DLG1: variants seen among roughly 807,000 people sequenced by gnomAD.
The protein encoded by DLG1 is discs large MAGUK scaffold protein 1, also known as disks large homolog 1.
In DLG1, 42 loss-of-function variants were observed where a neutral mutation model predicts 123.4. The ratio of observed to expected loss-of-function variants is 0.34; its 90% confidence interval spans 0.27 to 0.44. The LOEUF (loss-of-function observed/expected upper bound fraction) is 0.44, where lower values mean the gene tolerates loss of function less well. DLG1 is among the 20% of genes least tolerant of loss of function. The pLI, the probability that DLG1 is intolerant of heterozygous loss-of-function variation, is 1.00. For synonymous variants in DLG1, 317 were observed against 356.2 expected (o/e 0.89, Z 1.24); for missense variants, 942 against 1,082.6 (o/e 0.87, Z 1.82).
intron 4 of DLG1, among the ~76,000 whole-genome samples, chr3:197,252,036 C>T (rs564089180): frequency 2.0e-5 from 3 of 152,268 alleles, no homozygotes; most frequent in South Asian, 2.1e-4. Context: ...ATCATTCTTT[C>T]TCTTTTCCCT....
intron 19 of DLG1, among the ~76,000 whole-genome samples, chr3:197,067,661 G>A (rs778701091): frequency 4.8e-5 from 7 of 146,438 alleles, no homozygotes; most frequent in African/African-American, 1.5e-4. Context: ...GGGTTCAAGC[G>A]GTTCTCCTGC....
rs1174580834 is a variant in DLG1 at position 197,043,394 on chromosome 3, G to A, written c.*1229C>T. 2 of 152,034 alleles carry A rather than the reference G, an allele frequency of 1.3e-5. No individual in the cohort carries two copies. The highest frequency in any genetic ancestry group is 3.9e-4 in the East Asian group (2 of 5,188). The allele number at this position is 152,034 out of a possible 1,614,324, so 9.4% of individuals were successfully genotyped here. A position where few individuals can be genotyped will look rare whatever the true frequency, so the allele number is the denominator to read the frequency against. ...ATTTGAAAACCTTTGTAGAAAAGAG[G>A]AGAATATGCCCACACTTTTACTTAT... On this transcript the variant is annotated 3_prime_UTR_variant, in exon 25 of 25. Transcript: ENST00000667157.
At chr3:197,279,663 G>T (rs1348235861) in intron 4 of DLG1, among the ~76,000 whole-genome samples, 1 of 152,138 alleles carries the variant, frequency 6.6e-6, no homozygotes, top group African/African-American at 2.4e-5. Context: ...TTCAGGAGGT[G>T]TAGAAACCAG....
chr3:197,238,926 G>A (rs567027066), intron 4 of DLG1, among the ~76,000 whole-genome samples: 1 of 152,002 alleles, frequency 6.6e-6, no homozygotes, highest in African/African-American at 2.4e-5. Flanking sequence ...TAAGGAACTA[G>A]TAAAACAAGA....
At chr3:197,153,969 G>T (rs1176576927) in intron 5 of DLG1, among the ~76,000 whole-genome samples, 1 of 151,966 alleles carries the variant, frequency 6.6e-6, no homozygotes, top group African/African-American at 2.4e-5. Flanking sequence ...AGAATAAGTG[G>T]CTTATTAAAA....
Position 197,296,475 on chromosome 3 carries a change from T to C in DLG1, c.22A>G (p.Thr8Ala). MPVRKQD[T>A]QRALHLLEEY... ...TCCAAAAGGTGCAATGCTCTCTGGG[T>C]ATCTGAGAAGAAAAAGCAGAGCCTG... The change falls in exon 3 of 25, where the codon ACC (threonine) becomes GCC (alanine). Residue 8 changes from threonine (T) to alanine (A), a missense_variant and splice_region_variant. Coordinates refer to ENST00000667157, the MANE Select transcript of DLG1 (RefSeq NM_001366207.1). 12 of 1,613,248 alleles carry C rather than the reference T, an allele frequency of 7.4e-6. No homozygotes were observed. The highest frequency in any genetic ancestry group is 1.0e-5 in the Non-Finnish European group (12 of 1,179,552).
At chr3:197,263,584 C>T (rs1300014085) in intron 4 of DLG1, among the ~76,000 whole-genome samples, 4 of 151,968 alleles carry the variant, frequency 2.6e-5, no homozygotes, top group East Asian at 3.9e-4. Context: ...GTCCGGAGTT[C>T]GAGACCAGCC....
intron 4 of DLG1, among the ~76,000 whole-genome samples, chr3:197,265,586 T>C (rs1352218409): frequency 6.6e-6 from 1 of 152,086 alleles, no homozygotes; most frequent in African/African-American, 2.4e-5. Context: ...TTCAGATTAG[T>C]TTTGATCAGT....
At chr3:197,144,995 T>G (rs962151969) in intron 6 of DLG1, among the ~76,000 whole-genome samples, 4 of 152,002 alleles carry the variant, frequency 2.6e-5, no homozygotes, top group African/African-American at 9.7e-5. Context: ...TACTTTTGTT[T>G]TTCATAGAGA....
chr3:197,183,534 CA>C, intron 5 of DLG1: 2 of 1,516,492 alleles, frequency 1.3e-6, no homozygotes, highest in Non-Finnish European at 1.8e-6. Context: ...CAAACGTAAA[CA>C]GAAATAGATT....
chr3:197,293,760 C>G (rs1041596532), intron 3 of DLG1: 1 of 153,826 alleles, frequency 6.5e-6, no homozygotes, highest in African/African-American at 2.4e-5. Flanking sequence ...TAACTCACTG[C>G]GGCCTAAACA....
intron 18 of DLG1, chr3:197,075,785 A>C: frequency 2.0e-6 from 3 of 1,463,558 alleles, no homozygotes; most frequent in Non-Finnish European, 2.9e-6. Context: ...TGAATAAGGT[A>C]GGTCTGCAGA....
Position 197,065,474 on chromosome 3 carries a change from G to A in DLG1, c.2201-26C>T, listed in dbSNP as rs760685104. ...CTTTAACAGAAAAAAACTTGGGAAA[G>A]TGTTTAATATTAAAAAAAAAACCAC... On this transcript the variant is annotated intron_variant, in intron 21 of 24. Coordinates refer to ENST00000667157, the MANE Select transcript of DLG1 (RefSeq NM_001366207.1). 3 of 1,541,000 alleles carry A rather than the reference G, an allele frequency of 1.9e-6. No individual in the cohort carries two copies. The South Asian group carries it at 3.7e-5, about 19-fold the overall frequency.
chr3:197,129,848 C>T (rs1176915560), intron 11 of DLG1, among the ~76,000 whole-genome samples: 1 of 152,116 alleles, frequency 6.6e-6, no homozygotes, highest in Non-Finnish European at 1.5e-5. Flanking sequence ...ACACATTTAT[C>T]TATTAAGCTT....
intron 23 of DLG1, among the ~76,000 whole-genome samples, chr3:197,052,850 C>T (rs1355434341): frequency 1.3e-5 from 2 of 152,172 alleles, no homozygotes; most frequent in Admixed American, 6.5e-5. Flanking sequence ...GGTTAAACAA[C>T]TTAACCAACT....
intron 4 of DLG1, among the ~76,000 whole-genome samples, chr3:197,266,423 C>T (rs4916469): frequency 0.1 from 15,780 of 151,930 alleles, 1,133 homozygotes; most frequent in Admixed American, 0.17. Flanking sequence ...CCTGGGCAAT[C>T]CAGCAAGACC....
chr3:197,147,132 A>T (rs747169420), intron 6 of DLG1, among the ~76,000 whole-genome samples: 22 of 149,380 alleles, frequency 1.5e-4, no homozygotes, highest in Non-Finnish European at 2.9e-4. Flanking sequence ...ATAAAAAAAT[A>T]AAAAAAAATA....
intron 24 of DLG1, among the ~76,000 whole-genome samples, chr3:197,048,549 A>C (rs888874708): frequency 3.9e-5 from 6 of 152,226 alleles, no homozygotes; most frequent in Non-Finnish European, 8.8e-5. Context: ...AGAGATAACA[A>C]GTAGGCAATG....
rs1560258232 is a variant in DLG1, at chr3:197,043,530, CA to C, written c.*1092del. The C allele has an allele frequency of 2.0e-5, 3 of 151,620 alleles. No homozygotes were observed. The highest frequency in any genetic ancestry group is 4.4e-5 in the Non-Finnish European group (3 of 67,910). 9.4% of individuals were successfully genotyped at this position (151,620 alleles called of 1,614,324 possible). A position where few individuals can be genotyped will look rare whatever the true frequency, so the allele number is the denominator to read the frequency against. ...ATTAATATTTAATTTAAAAACCAAA[CA>C]AAAAGTTAGGAGTAGGTGGCAAAAG... On this transcript the variant is annotated 3_prime_UTR_variant, in exon 25 of 25. Coordinates refer to ENST00000667157, the MANE Select transcript of DLG1 (RefSeq NM_001366207.1).
Sources: allele counts gnomAD v4.1 joint callset (sites outside exome capture counted in the v4.1 genomes callset), GRCh38; gene constraint gnomAD v4.1.1; transcripts MANE v1.5; gene names NCBI Gene and HGNC (gene_info 2026-07-23, HGNC 2026-07-21).